The following FOXN3 variants were observed in gnomAD, a reference collection of about 807,000 sequenced individuals.
The protein encoded by FOXN3 is forkhead box N3, also known as forkhead box protein N3.
In FOXN3, 7 loss-of-function variants were observed where a neutral mutation model predicts 38.4. That is an observed-to-expected ratio of 0.18 (90% CI 0.10 to 0.34). The LOEUF (loss-of-function observed/expected upper bound fraction) is 0.34. Among genes scored for constraint, FOXN3 ranks in the 10% least tolerant of loss-of-function variants. FOXN3 has a pLI of 1.00. For synonymous variants in FOXN3, 230 were observed against 242.2 expected (o/e 0.95, Z 0.47); for missense variants, 456 against 613.4 (o/e 0.74, Z 2.71).
chr14:89,274,336 T>G (rs1228971583), intron 4 of FOXN3, among the ~76,000 whole-genome samples: 1 of 152,126 alleles, frequency 6.6e-6, no homozygotes, highest in Middle Eastern at 3.4e-3. Context: ...GTTTTGGAAG[T>G]TTTTTCAACT....
intron 2 of FOXN3, among the ~76,000 whole-genome samples, chr14:89,362,956 T>C (rs1446415226): frequency 6.6e-6 from 1 of 151,788 alleles, no homozygotes; most frequent in Non-Finnish European, 1.5e-5. Context: ...AGCACAGGAG[T>C]TGGGCAGGGC....
intron 2 of FOXN3, among the ~76,000 whole-genome samples, chr14:89,399,408 A>G (rs1891189428): frequency 6.6e-6 from 1 of 152,218 alleles, no homozygotes; most frequent in South Asian, 2.1e-4. Context: ...ACGTGGCCGC[A>G]GAGGAACAGA....
At chr14:89,194,743 A>T (rs1427187376) in intron 4 of FOXN3, among the ~76,000 whole-genome samples, 1 of 151,560 alleles carries the variant, frequency 6.6e-6, no homozygotes, top group Non-Finnish European at 1.5e-5. Context: ...AGATGGATAT[A>T]ATTTGAGAGA....
intron 4 of FOXN3, among the ~76,000 whole-genome samples, chr14:89,257,450 A>C (rs1456901604): frequency 6.6e-6 from 1 of 152,204 alleles, no homozygotes; most frequent in African/African-American, 2.4e-5. Flanking sequence ...CTCTAGAGAA[A>C]TCTTCTAAGA....
chr14:89,374,232 C>T (rs1473307569), intron 2 of FOXN3, among the ~76,000 whole-genome samples: 2 of 121,738 alleles, frequency 1.6e-5, no homozygotes, highest in Admixed American at 2.2e-4. Flanking sequence ...CCACTGCACT[C>T]CAGCCAGGGC....
At chr14:89,537,452 G>A (rs1270126002) in intron 1 of FOXN3, among the ~76,000 whole-genome samples, 1 of 151,788 alleles carries the variant, frequency 6.6e-6, no homozygotes, top group African/African-American at 2.4e-5. Flanking sequence ...TGGATGGATG[G>A]ATGGATGGAT....
Position 89,587,527 on chromosome 14 carries a change from T to A in FOXN3, c.-15+31501A>T, listed in dbSNP as rs531966033. On this transcript the variant is annotated intron_variant, in intron 1 of 6. Coordinates refer to the FOXN3 transcript ENST00000345097. The stretch of plus-strand genomic sequence containing the variant: ...TAAAGGCAACGAAATTGAAAAAAAA[T>A]TTAAACCACTGTGTGGGAGAAGCAA... Among the ~76,000 whole-genome samples the A allele has an allele frequency of 5.3e-5, 8 of 151,898 alleles. No individual in the cohort carries two copies. The South Asian group carries it at 1.5e-3, about 28-fold the overall frequency.
chr14:89,295,780 T>TTTTTTTTTTTG (rs1566949502), intron 3 of FOXN3, among the ~76,000 whole-genome samples: 1 of 148,746 alleles, frequency 6.7e-6, no homozygotes, highest in Non-Finnish European at 1.5e-5. Context: ...TTTTTTTTTT[T>TTTTTTTTTTTG]GTAGAGACTG....
chr14:89,175,841 G>A, intron 5 of FOXN3, among the ~76,000 whole-genome samples: 1 of 152,130 alleles, frequency 6.6e-6, no homozygotes, highest in East Asian at 1.9e-4. Context: ...TAAAAGCAAG[G>A]TGGCTGAGAT....
intron 2 of FOXN3, among the ~76,000 whole-genome samples, chr14:89,367,835 C>A (rs886246412): frequency 1.9e-5 from 1 of 52,964 alleles, no homozygotes; most frequent in Non-Finnish European, 4.1e-5. Context: ...CGGCCTCCTG[C>A]CCCAGAAACC....
chr14:89,327,942 C>A (rs1188596354), intron 3 of FOXN3, among the ~76,000 whole-genome samples: 1 of 152,206 alleles, frequency 6.6e-6, no homozygotes, highest in Non-Finnish European at 1.5e-5. Flanking sequence ...AATTAGCACA[C>A]AGCTAATCAG....
chr14:89,343,004 T>C (rs967567316), intron 3 of FOXN3, among the ~76,000 whole-genome samples: 2 of 152,212 alleles, frequency 1.3e-5, no homozygotes, highest in African/African-American at 4.8e-5. Flanking sequence ...AATTAACACT[T>C]GCAATGACAC....
intron 3 of FOXN3, among the ~76,000 whole-genome samples, chr14:89,333,766 A>C (rs977980138): frequency 2.0e-4 from 26 of 130,820 alleles, no homozygotes; most frequent in South Asian, 5.4e-4. Flanking sequence ...AAAAAAAAAA[A>C]AAAAAAAAAA....
At chr14:89,565,333 A>G (rs1895329213) in intron 1 of FOXN3, among the ~76,000 whole-genome samples, 1 of 152,122 alleles carries the variant, frequency 6.6e-6, no homozygotes, top group African/African-American at 2.4e-5. Context: ...AGAACTTGTG[A>G]GGGAGTAAGT....
intron 3 of FOXN3, among the ~76,000 whole-genome samples, chr14:89,307,198 C>T (rs1958068): frequency 0.29 from 43,844 of 152,074 alleles, 6,515 homozygotes; most frequent in Admixed American, 0.35. Context: ...GAACGCTAAT[C>T]TAATTATTAT....
chr14:89,614,965 G>A (rs963247637), intron 1 of FOXN3, among the ~76,000 whole-genome samples: 1 of 152,060 alleles, frequency 6.6e-6, no homozygotes, highest in African/African-American at 2.4e-5. Context: ...TCCCGAATTT[G>A]AAACATCTAG....
intron 3 of FOXN3, among the ~76,000 whole-genome samples, chr14:89,317,487 G>T (rs911986873): frequency 6.6e-6 from 1 of 152,160 alleles, no homozygotes; most frequent in Non-Finnish European, 1.5e-5. Context: ...TTGTACTTCT[G>T]AAAGTGCCTG....
intron 4 of FOXN3, among the ~76,000 whole-genome samples, chr14:89,228,575 A>G (rs769617127): frequency 6.6e-6 from 1 of 152,248 alleles, no homozygotes; most frequent in Admixed American, 6.5e-5. Context: ...ATAAAAAAGC[A>G]TAGGTTTGAA....
chr14:89,194,966 T>G (rs1218202499), intron 4 of FOXN3, among the ~76,000 whole-genome samples: 1 of 152,246 alleles, frequency 6.6e-6, no homozygotes, highest in Non-Finnish European at 1.5e-5. Flanking sequence ...TTTTTTTCAC[T>G]TATTTCGTCA....
Sources: gnomAD v4.1 joint callset for allele counts (sites outside exome capture counted in the v4.1 genomes callset) on GRCh38, gnomAD v4.1.1 for gene constraint, MANE v1.5 for transcripts, NCBI Gene and HGNC (gene_info 2026-07-23, HGNC 2026-07-21) for gene names.